GCLC: variants seen among roughly 807,000 people sequenced by gnomAD.
GCLC encodes glutamate-cysteine ligase catalytic subunit, also known as glutamate--cysteine ligase catalytic subunit.
A neutral mutation model predicts 81.5 loss-of-function variants in GCLC; 30 were observed. The ratio of observed to expected loss-of-function variants is 0.37; its 90% CI spans 0.28 to 0.50. The LOEUF is 0.50. Ranked by LOEUF, GCLC falls within the 20% of genes least tolerant of loss-of-function variation. GCLC has a pLI of 0.96. For synonymous variants in GCLC, 262 were observed against 273.3 expected (o/e 0.96, Z 0.41); for missense variants, 556 against 777.4 (o/e 0.72, Z 3.39).
chr6:53,507,118 G>C (rs1006098029), intron 9 of GCLC, 93 bp from the exon 10 acceptor site: 40 of 773,398 alleles, frequency 5.2e-5, no homozygotes, highest in Middle Eastern at 2.2e-4. Flanking sequence ...CAGGAAGTTT[G>C]AAGAAAGGGT....
At chr6:53,544,025 A>C (rs1297151817) in intron 1 of GCLC, among the ~76,000 whole-genome samples, 1 of 152,212 alleles carries the variant, frequency 6.6e-6, no homozygotes, top group African/African-American at 2.4e-5. Context: ...AGGAAAAGAC[A>C]CCTGCATGAG....
In GCLC at chr6:53,497,979, C is replaced by G. The variant is rs1027821253; in HGVS notation, c.*777G>C. 3 of 148,766 alleles carry G rather than the reference C, an allele frequency of 2.0e-5. No individual in the cohort carries two copies. The highest frequency in any genetic ancestry group is 2.1e-4 in the South Asian group (1 of 4,690). The allele number at this position is 148,766 out of a possible 1,614,324, so 9.2% of individuals were successfully genotyped here. A position where few individuals can be genotyped will look rare whatever the true frequency, so the allele number is the denominator to read the frequency against. On this transcript the variant is annotated 3_prime_UTR_variant, in exon 16 of 16. Transcript: ENST00000650454. ...AGGAAGAAAAATGATTGCCACCCCC[C>G]ACCCCTGCCGCCAACTTTTTTAGTT...
chr6:53,499,350 G>A (rs1581725584), intron 15 of GCLC, among the ~76,000 whole-genome samples: 1 of 152,154 alleles, frequency 6.6e-6, no homozygotes, highest in Non-Finnish European at 1.5e-5. Context: ...GAGGACTGTA[G>A]GGTCCTTGAG....
chr6:53,516,107 A>G lies in GCLC; in HGVS notation c.560+2T>C, dbSNP rs765722068. On this transcript the variant is annotated splice_donor_variant, in intron 4 of 15. Coordinates refer to ENST00000650454, the MANE Select transcript of GCLC (RefSeq NM_001498.4). LOFTEE classifies it high-confidence loss of function. Reference sequence around the variant, plus strand: ...TGCATTTCAACACAAAGCCATACTCACCTGAAGCGAGGGTGCTTGTTTATT... The same window carrying G: ...TGCATTTCAACACAAAGCCATACTCGCCTGAAGCGAGGGTGCTTGTTTATT... 1 of 1,555,100 alleles carries G rather than the reference A, an allele frequency of 6.4e-7. No homozygotes were observed. Among genetic ancestry groups the G allele is most frequent in the Non-Finnish European group, 8.9e-7 (1 of 1,126,480 alleles).
intron 3 of GCLC, among the ~76,000 whole-genome samples, chr6:53,517,283 G>T (rs1764899254): frequency 7.4e-6 from 1 of 135,068 alleles, no homozygotes. Flanking sequence ...TTTTTCCAGG[G>T]ACGAGGTCTC....
rs1763425481 is a variant in GCLC at position 53,544,906 on chromosome 6, C to T, written c.-261G>A. On this transcript the variant is annotated 5_prime_UTR_variant, in exon 1 of 16. Transcript: ENST00000650454. ...GACCGAGAGCAGGCGGGACGGCTCT[C>T]GGCCCGGCGGCCTCGCCCTCCCCGC... The T allele has an allele frequency of 3.4e-6, 1 of 292,022 alleles. No individual in the cohort carries two copies. Among genetic ancestry groups the T allele is most frequent in the Non-Finnish European group, 6.3e-6 (1 of 158,650 alleles). 18.1% of individuals were successfully genotyped at this position (292,022 alleles called of 1,614,324 possible).
At chr6:53,522,182 C>CTATG (rs1763011203) in intron 2 of GCLC, among the ~76,000 whole-genome samples, 1 of 152,152 alleles carries the variant, frequency 6.6e-6, no homozygotes, top group African/African-American at 2.4e-5. Context: ...GTAGGTATTG[C>CTATG]TATGATCTTT....
intron 3 of GCLC, among the ~76,000 whole-genome samples, chr6:53,518,426 T>C (rs1762925657): frequency 6.6e-6 from 1 of 152,102 alleles, no homozygotes; most frequent in Admixed American, 6.5e-5. Flanking sequence ...AATTTTTGTA[T>C]TTTTTGTAAA....
intron 6 of GCLC, among the ~76,000 whole-genome samples, chr6:53,511,947 CTT>C (rs535000790): frequency 1.9e-4 from 21 of 113,474 alleles, no homozygotes; most frequent in Admixed American, 2.7e-4. Context: ...GAACTTAGTG[CTT>C]TTTTTTTTTT....
At chr6:53,533,696 T>C (rs185528379) in intron 1 of GCLC, among the ~76,000 whole-genome samples, 23 of 151,910 alleles carry the variant, frequency 1.5e-4, no homozygotes, top group African/African-American at 4.8e-4. Context: ...AATCTATATA[T>C]ATAAACATGC....
At chr6:53,530,773 A>C (rs1763158415) in intron 1 of GCLC, among the ~76,000 whole-genome samples, 1 of 152,230 alleles carries the variant, frequency 6.6e-6, no homozygotes, top group Non-Finnish European at 1.5e-5. Flanking sequence ...AAAATGCTTA[A>C]GCGTGGATCT....
chr6:53,519,894 A>G (rs1185597694), intron 3 of GCLC, among the ~76,000 whole-genome samples: 1 of 152,158 alleles, frequency 6.6e-6, no homozygotes, highest in Non-Finnish European at 1.5e-5. Context: ...TAGAATTCCC[A>G]TTTAAATGCC....
intron 1 of GCLC, among the ~76,000 whole-genome samples, chr6:53,542,145 C>T (rs1342846211): frequency 6.6e-6 from 1 of 152,216 alleles, no homozygotes; most frequent in African/African-American, 2.4e-5. Flanking sequence ...GCCACCACGC[C>T]CAGCCATTAT....
intron 12 of GCLC, chr6:53,501,391 C>T (rs1045766955): frequency 1.3e-5 from 2 of 152,260 alleles, no homozygotes; most frequent in African/African-American, 4.8e-5. Context: ...CATCTGGTGC[C>T]TCCGGACATG....
intron 1 of GCLC, 131 bp downstream of exon 1, chr6:53,544,363 GGA>G: frequency 1.2e-6 from 1 of 847,618 alleles, no homozygotes; most frequent in Non-Finnish European, 1.9e-6. Flanking sequence ...CCCGGGGCCG[GGA>G]GGCGCTCGAG....
chr6:53,524,026 T>C (rs1446999640), intron 1 of GCLC: 2 of 152,170 alleles, frequency 1.3e-5, no homozygotes, highest in Admixed American at 6.5e-5. Flanking sequence ...CAAGATACCA[T>C]CTATAGATCT....
intron 1 of GCLC, among the ~76,000 whole-genome samples, chr6:53,534,779 A>C (rs1301348376): frequency 6.6e-6 from 1 of 152,238 alleles, no homozygotes; most frequent in Admixed American, 6.5e-5. Context: ...AAAGACCTAT[A>C]CACGAAAAAC....
At position 53,516,255 on chromosome 6, in the gene GCLC, T is replaced by C. The variant is rs1764869716; in HGVS notation, c.447-33A>G. ...AAATTGAAGAACTAAATAGATGGGA[T>C]TTGTTTTCAAGAATTAATTGTGTGC... On this transcript the variant is annotated intron_variant, in intron 3 of 15. Transcript: ENST00000650454. The C allele has an allele frequency of 4.4e-6, 6 of 1,351,706 alleles. No individual in the cohort carries two copies. In the Middle Eastern group the frequency reaches 5.4e-4, roughly 121 times the overall value. The allele number at this position is 1,351,706 out of a possible 1,614,324, so 83.7% of individuals were successfully genotyped here.
intron 3 of GCLC, among the ~76,000 whole-genome samples, chr6:53,517,227 C>T (rs1764894497): frequency 7.2e-6 from 1 of 138,934 alleles, no homozygotes; most frequent in African/African-American, 2.6e-5. Flanking sequence ...GCTGGGATTA[C>T]AGGCATGAGT....
Sources: allele counts gnomAD v4.1 joint callset (sites outside exome capture counted in the v4.1 genomes callset), GRCh38; gene constraint gnomAD v4.1.1; transcripts MANE v1.5; gene names NCBI Gene and HGNC (gene_info 2026-07-23, HGNC 2026-07-21).